Variants in CELF4 observed in about 807,000 individuals in gnomAD.
CELF4 encodes the protein CUG-BP- and ETR-3-like factor 4.
Under a neutral mutation model 59.9 loss-of-function variants are expected in CELF4, and 18 were observed. The ratio of observed to expected loss-of-function variants is 0.30; its 90% CI spans 0.21 to 0.45. The LOEUF (loss-of-function observed/expected upper bound fraction) is 0.45, where lower values mean the gene tolerates loss of function less well. Ranked by LOEUF, CELF4 falls within the 20% of genes least tolerant of loss-of-function variation. CELF4 has a pLI of 1.00. For synonymous variants in CELF4, 261 were observed against 267.1 expected, an observed-to-expected ratio of 0.98 and a Z score of 0.22; for missense variants, 456 against 689.0, an observed-to-expected ratio of 0.66 and a Z score of 3.79.
intron 2 of CELF4, among the ~76,000 whole-genome samples, chr18:37,381,582 GA>G (rs2154569714): frequency 6.6e-6 from 1 of 152,272 alleles, no homozygotes; most frequent in East Asian, 1.9e-4. Flanking sequence ...ACCCCCATTT[GA>G]ATGGGGTCTC....
At chr18:37,306,081 A>G (rs1486426681) in intron 3 of CELF4, 1 of 152,254 alleles carries the variant, frequency 6.6e-6, no homozygotes, top group Non-Finnish European at 1.5e-5. Context: ...CAAAGCTCGC[A>G]CAGGCCTTCC....
At chr18:37,358,480 C>T (rs146459115) in intron 2 of CELF4, among the ~76,000 whole-genome samples, 5 of 152,288 alleles carry the variant, frequency 3.3e-5, no homozygotes, top group Admixed American at 6.5e-5. Context: ...AGCGTGAAAA[C>T]GGACTAATAC....
chr18:37,305,708 C>T (rs904727320), intron 3 of CELF4: 2 of 152,258 alleles, frequency 1.3e-5, no homozygotes, highest in African/African-American at 4.8e-5. Flanking sequence ...TCAGTGTCCT[C>T]ATCTATACAA....
At chr18:37,457,382 C>T (rs1489915111) in intron 2 of CELF4, among the ~76,000 whole-genome samples, 1 of 152,182 alleles carries the variant, frequency 6.6e-6, no homozygotes, top group East Asian at 1.9e-4. Context: ...TCAGCTCTTT[C>T]TGGGACCCTT....
rs112656237 is a variant in CELF4 at position 37,518,653 on chromosome 18, C to T, written c.287-33046G>A. On this transcript the variant is annotated intron_variant, in intron 1 of 12. Transcript: ENST00000420428. Reference sequence around the variant, plus strand: ...AAGGCTGCTGGGGCCTGAAGAGCACCCTCCCATCCCCAAGCCCTACCTCAG... The same window carrying T: ...AAGGCTGCTGGGGCCTGAAGAGCACTCTCCCATCCCCAAGCCCTACCTCAG... 3.2e-3 allele frequency among the ~76,000 whole-genome samples: 483 copies of T among 150,268 alleles called. 2 individuals are homozygous for T. The highest frequency in any genetic ancestry group is 0.011 in the African/African-American group (466 of 41,446).
chr18:37,353,750 G>C (rs372988696), intron 2 of CELF4, among the ~76,000 whole-genome samples: 2 of 139,330 alleles, frequency 1.4e-5, no homozygotes, highest in East Asian at 4.3e-4. Flanking sequence ...TGGTGGGGGC[G>C]GGGGGGGCAG....
At position 37,419,600 on chromosome 18, in the gene CELF4, C is replaced by T. The variant is rs142600616; in HGVS notation, c.369+65925G>A. ...GGTCAGGGGGAAGGGAGGGAGGCGGCCATGTGGACACACGTTCTCCTATGC... is the reference window on the plus strand; with the variant it reads ...GGTCAGGGGGAAGGGAGGGAGGCGGTCATGTGGACACACGTTCTCCTATGC... On this transcript the variant is annotated intron_variant, in intron 2 of 12. Coordinates refer to ENST00000420428, the MANE Select transcript of CELF4 (RefSeq NM_020180.4). Among the ~76,000 whole-genome samples, 746 of 152,166 alleles carry T rather than the reference C, an allele frequency of 4.9e-3. 7 individuals are homozygous for T. Among genetic ancestry groups the T allele is most frequent in the African/African-American group, 0.017 (723 of 41,504 alleles).
At chr18:37,358,226 T>C (rs547412847) in intron 2 of CELF4, among the ~76,000 whole-genome samples, 1 of 152,168 alleles carries the variant, frequency 6.6e-6, no homozygotes, top group East Asian at 1.9e-4. Context: ...AATTGAATCA[T>C]GCGGGCAAGT....
intron 1 of CELF4, among the ~76,000 whole-genome samples, chr18:37,500,474 T>C (rs1240780598): frequency 6.6e-6 from 1 of 152,036 alleles, no homozygotes; most frequent in Non-Finnish European, 1.5e-5. Context: ...CTTGTCTTTG[T>C]GCCCTCAGTT....
intron 1 of CELF4, among the ~76,000 whole-genome samples, chr18:37,563,934 G>A (rs1385475589): frequency 6.6e-6 from 1 of 152,210 alleles, no homozygotes; most frequent in Non-Finnish European, 1.5e-5. Context: ...GAGGGTGGTT[G>A]TGATAGTGAA....
chr18:37,459,502 A>G (rs1200210657), intron 2 of CELF4, among the ~76,000 whole-genome samples: 2 of 152,078 alleles, frequency 1.3e-5, no homozygotes, highest in Non-Finnish European at 2.9e-5. Context: ...ACATTTTCAT[A>G]ACCACAGTCA....
chr18:37,266,125 T>G, intron 9 of CELF4: 1 of 315,654 alleles, frequency 3.2e-6, no homozygotes, highest in Non-Finnish European at 6.0e-6. Context: ...ACCAGGCATC[T>G]GTGCTTCCTG....
chr18:37,536,543 C>A (rs147634198), intron 1 of CELF4, among the ~76,000 whole-genome samples: 1 of 152,196 alleles, frequency 6.6e-6, no homozygotes, highest in East Asian at 1.9e-4. Context: ...CTTTTCTCCA[C>A]GTTTTTGCCT....
At chr18:37,464,987 G>A (rs1462733327) in intron 2 of CELF4, among the ~76,000 whole-genome samples, 1 of 152,122 alleles carries the variant, frequency 6.6e-6, no homozygotes, top group Admixed American at 6.5e-5. Context: ...GCCATGTGCT[G>A]GATCACCATT....
chr18:37,451,052 A>T (rs753770719), intron 2 of CELF4, among the ~76,000 whole-genome samples: 2 of 152,152 alleles, frequency 1.3e-5, no homozygotes, highest in Non-Finnish European at 2.9e-5. Context: ...CCCCAGGGAC[A>T]TGGAGATGGT....
intron 3 of CELF4, among the ~76,000 whole-genome samples, chr18:37,318,639 CCCCACTTTCTACTGCAA>C (rs948443541): frequency 1.1e-4 from 16 of 145,342 alleles, no homozygotes; most frequent in South Asian, 4.4e-4. Flanking sequence ...CTCCCCCCCC[CCCCACTTTCTACTGCAA>C]GAAGAATAAA....
At chr18:37,452,722 A>C (rs1056164559) in intron 2 of CELF4, among the ~76,000 whole-genome samples, 1 of 152,160 alleles carries the variant, frequency 6.6e-6, no homozygotes, top group Admixed American at 6.5e-5. Flanking sequence ...ATATTTGTAA[A>C]TAAGTAAAGG....
Position 37,443,733 on chromosome 18 carries a change from G to A in CELF4, c.369+41792C>T, listed in dbSNP as rs544727207. Among the ~76,000 whole-genome samples the A allele has an allele frequency of 1.3e-4, 20 of 152,206 alleles. No homozygotes were observed. The East Asian group carries it at 2.3e-3, about 18-fold the overall frequency. On this transcript the variant is annotated intron_variant, in intron 2 of 12. Coordinates refer to ENST00000420428, the MANE Select transcript of CELF4 (RefSeq NM_020180.4). Reference sequence around the variant, plus strand: ...CCCTCTCCCTCTCCCTCTCTGTGTCGGGGCTGGGGGTGGTCACTGACATGG... The same window carrying A: ...CCCTCTCCCTCTCCCTCTCTGTGTCAGGGCTGGGGGTGGTCACTGACATGG...
intron 2 of CELF4, among the ~76,000 whole-genome samples, chr18:37,388,031 G>A (rs1382249447): frequency 3.3e-5 from 5 of 151,842 alleles, no homozygotes; most frequent in Admixed American, 3.3e-4. Flanking sequence ...CTGCTTTAAT[G>A]CCACACTCGG....
Sources: gnomAD v4.1 joint callset for allele counts (sites outside exome capture counted in the v4.1 genomes callset) on GRCh38, gnomAD v4.1.1 for gene constraint, MANE v1.5 for transcripts, NCBI Gene and HGNC (gene_info 2026-07-23, HGNC 2026-07-21) for gene names.